Variants in KIF26B observed in about 807,000 individuals in gnomAD.
The protein encoded by KIF26B is kinesin-like protein KIF26B.
KIF26B carries 63 observed loss-of-function variants against 151.2 expected under a neutral mutation model. The ratio of observed to expected loss-of-function variants is 0.42; its 90% confidence interval spans 0.34 to 0.51. The LOEUF (loss-of-function observed/expected upper bound fraction) is 0.51. Ranked by LOEUF, KIF26B falls within the 20% of genes least tolerant of loss-of-function variation. The pLI is 0.07. For synonymous variants in KIF26B, 1,357 were observed against 1,262.1 expected (o/e 1.08, Z -1.59); for missense variants, 2,813 against 2,913.6 (o/e 0.97, Z 0.79).
intron 2 of KIF26B, among the ~76,000 whole-genome samples, chr1:245,238,008 A>C (rs1670145610): frequency 6.7e-6 from 1 of 148,976 alleles, no homozygotes; most frequent in South Asian, 2.2e-4. Context: ...CCTGGGCAAC[A>C]GAGCAAGACC....
chr1:245,515,345 A>G (rs545320484), intron 4 of KIF26B, among the ~76,000 whole-genome samples: 1 of 152,200 alleles, frequency 6.6e-6, no homozygotes, highest in Admixed American at 6.5e-5. Context: ...CCGTGCAGCC[A>G]TCACTGTCTG....
intron 4 of KIF26B, among the ~76,000 whole-genome samples, chr1:245,505,877 A>T (rs993954339): frequency 6.6e-6 from 1 of 152,204 alleles, no homozygotes; most frequent in Non-Finnish European, 1.5e-5. Flanking sequence ...TATTTTCAGA[A>T]TACGGATGAT....
At chr1:245,675,646 G>A (rs540692613) in intron 10 of KIF26B, among the ~76,000 whole-genome samples, 14 of 152,264 alleles carry the variant, frequency 9.2e-5, no homozygotes, top group African/African-American at 3.4e-4. Context: ...AGCAATGGAA[G>A]GAACATGGAA....
intron 2 of KIF26B, among the ~76,000 whole-genome samples, chr1:245,356,817 G>A (rs944714095): frequency 7.2e-5 from 11 of 152,230 alleles, no homozygotes; most frequent in African/African-American, 2.7e-4. Flanking sequence ...TGGCCATGCT[G>A]TAGAGAGAAT....
chr1:245,540,792 T>G lies in KIF26B; in HGVS notation c.1192T>G (p.Ser398Ala), dbSNP rs763312734. The change falls in exon 5 of 15, where the codon TCT (serine) becomes GCT (alanine). Residue 398 changes from serine to alanine, a missense_variant. By Grantham distance (99) the Ser-to-Ala change is moderately conservative (BLOSUM62 1). This residue lies in a region of KIF26B where 676 missense variants were observed against 688.1 expected (regional missense o/e 0.98). Coordinates refer to ENST00000407071, the MANE Select transcript of KIF26B (RefSeq NM_018012.4). The surrounding 1 kb of genome is among the most constrained non-coding windows in gnomAD (Gnocchi z 4.6). Reference sequence around the variant, plus strand: ...AGCTGCCCAGAAGTTAAATCTGTCTTCTAAAAAGAAGAAACATCGGCCTTC... The same window carrying G: ...AGCTGCCCAGAAGTTAAATCTGTCTGCTAAAAAGAAGAAACATCGGCCTTC... ...ARAAQKLNLSSKKKKHRPSTS... is the reference protein window; with the variant it reads ...ARAAQKLNLSAKKKKHRPSTS... 3 of 1,613,878 alleles carry G rather than the reference T, an allele frequency of 1.9e-6. No individual in the cohort carries two copies. The South Asian group carries it at 3.3e-5, about 18-fold the overall frequency.
At chr1:245,413,308 G>A (rs1189353702) in intron 3 of KIF26B, among the ~76,000 whole-genome samples, 3 of 152,126 alleles carry the variant, frequency 2.0e-5, no homozygotes, top group Non-Finnish European at 2.9e-5. Flanking sequence ...TCACAGTATC[G>A]CAAGAGAAGA....
intron 3 of KIF26B, among the ~76,000 whole-genome samples, chr1:245,398,155 T>C (rs1001185587): frequency 2.0e-5 from 3 of 152,176 alleles, no homozygotes; most frequent in Admixed American, 6.5e-5. Context: ...TGTGCTTCCA[T>C]GTTTCTCTTT....
rs2044779784 is a variant in KIF26B, at chr1:245,702,106, G to GAATT, written c.6179-350_6179-347dup. ...GGAGGGACTCTCCCCACCTCAACTT[G>GAATT]AATTATTTACTTGATTGATTGATAG... On this transcript the variant is annotated intron_variant, in intron 14 of 14. Coordinates refer to ENST00000407071, the MANE Select transcript of KIF26B (RefSeq NM_018012.4). This position sits in a 1 kb window ranked among gnomAD's most constrained non-coding sequence, Gnocchi z 4.1. 3.9e-5 allele frequency among the ~76,000 whole-genome samples: 1 copy of GAATT among 25,618 alleles called. No individual in the cohort carries two copies. Among genetic ancestry groups the GAATT allele is most frequent in the African/African-American group, 3.0e-4 (1 of 3,382 alleles). The allele number at this position is 25,618 out of a possible 152,430, so 16.8% of individuals were successfully genotyped here.
intron 2 of KIF26B, among the ~76,000 whole-genome samples, chr1:245,246,768 A>T (rs574495027): frequency 1.3e-5 from 2 of 152,252 alleles, no homozygotes; most frequent in East Asian, 3.9e-4. Flanking sequence ...TGGTTAGAAG[A>T]CAAAGGAATT....
At chr1:245,463,909 C>A (rs1659707618) in intron 4 of KIF26B, among the ~76,000 whole-genome samples, 1 of 152,208 alleles carries the variant, frequency 6.6e-6, no homozygotes, top group Non-Finnish European at 1.5e-5. Context: ...TCACCTAAGG[C>A]TTCCCCGTAA....
Position 245,686,025 on chromosome 1 carries a change from C to T in KIF26B, c.3042C>T (p.Ala1014=). 1.9e-6 allele frequency: 3 copies of T among 1,594,926 alleles called. No individual in the cohort carries two copies. Among genetic ancestry groups the T allele is most frequent in the Non-Finnish European group, 2.6e-6 (3 of 1,171,674 alleles). ...SHSPVPAAAP[A]HSPSPASPRS... The stretch of plus-strand genomic sequence containing the variant: ...CACCTGTGCCCGCCGCGGCACCCGC[C>T]CACAGCCCCAGCCCGGCCTCACCCA... The change falls in exon 12 of 15, where the codon GCC becomes GCT. Residue 1014 remains alanine, a synonymous_variant. Transcript: ENST00000407071. The surrounding 1 kb of genome is among the most constrained non-coding windows in gnomAD (Gnocchi z 5.6).
At position 245,557,422 on chromosome 1, in the gene KIF26B, C is replaced by T. The variant is rs145050783; in HGVS notation, c.1350+16472C>T. Among the ~76,000 whole-genome samples the T allele has an allele frequency of 2.7e-3, 406 of 152,268 alleles. 2 individuals carry two copies. The highest frequency in any genetic ancestry group is 9.2e-3 in the African/African-American group (383 of 41,546). Reference sequence around the variant, plus strand: ...CTCTTTCAATTGCTGTGTGACCCTACGGAAGATATTCAGTTTTTCTGGGCC... The same window carrying T: ...CTCTTTCAATTGCTGTGTGACCCTATGGAAGATATTCAGTTTTTCTGGGCC... On this transcript the variant is annotated intron_variant, in intron 5 of 14. Transcript: ENST00000407071.
chr1:245,350,642 A>G (rs544336955), intron 2 of KIF26B, among the ~76,000 whole-genome samples: 1 of 152,240 alleles, frequency 6.6e-6, no homozygotes, highest in Non-Finnish European at 1.5e-5. Flanking sequence ...CTAGCCAGCC[A>G]TGCCCTGGGG....
chr1:245,411,514 A>C (rs1674283682), intron 3 of KIF26B, among the ~76,000 whole-genome samples: 3 of 152,188 alleles, frequency 2.0e-5, no homozygotes, highest in Admixed American at 1.3e-4. Flanking sequence ...GGAAGAAATA[A>C]ACATAACTCA....
In KIF26B at chr1:245,538,222, G is replaced by A. The variant is rs149255658; in HGVS notation, c.1167-2545G>A. On this transcript the variant is annotated intron_variant, in intron 4 of 14. Transcript: ENST00000407071. ...GAGTCATGGGACACATGCCTGAATG[G>A]AATGAGCTTATAGATAATGGAAGGA... Among the ~76,000 whole-genome samples the A allele has an allele frequency of 4.4e-3, 667 of 152,314 alleles. 2 individuals carry two copies. The highest frequency in any genetic ancestry group is 0.015 in the African/African-American group (628 of 41,550).
chr1:245,432,778 A>G (rs1169239458), intron 4 of KIF26B, among the ~76,000 whole-genome samples: 1 of 152,140 alleles, frequency 6.6e-6, no homozygotes, highest in African/African-American at 2.4e-5. Context: ...GTCCAGGGCC[A>G]TTGTCTATCA....
chr1:245,337,908 C>T (rs1014062844), intron 2 of KIF26B, among the ~76,000 whole-genome samples: 13 of 152,062 alleles, frequency 8.5e-5, no homozygotes, highest in African/African-American at 2.9e-4. Context: ...CGTGCTTGGC[C>T]GGGAGCAGAT....
intron 5 of KIF26B, among the ~76,000 whole-genome samples, chr1:245,575,862 G>C (rs2043113068): frequency 6.6e-6 from 1 of 152,058 alleles, no homozygotes; most frequent in Admixed American, 6.6e-5. Context: ...ATGAAAATGA[G>C]GCAACTGTGG....
chr1:245,412,501 C>T (rs552004650), intron 3 of KIF26B, among the ~76,000 whole-genome samples: 3 of 152,238 alleles, frequency 2.0e-5, no homozygotes, highest in Non-Finnish European at 1.5e-5. Flanking sequence ...TTAAGATGAA[C>T]GCCCATGCTG....
Sources: allele counts gnomAD v4.1 joint callset (sites outside exome capture counted in the v4.1 genomes callset), GRCh38; gene constraint gnomAD v4.1.1; regional missense constraint gnomAD v4.1.1; non-coding constraint Gnocchi (gnomAD v3.1); transcripts MANE v1.5; gene names NCBI Gene and HGNC (gene_info 2026-07-23, HGNC 2026-07-21).